The following GREB1L variants were observed in gnomAD, a reference collection of about 807,000 sequenced individuals.
GREB1L encodes the protein GREB1-like protein.
In GREB1L, 17 loss-of-function variants were observed where a neutral mutation model predicts 200.8. The ratio of observed to expected loss-of-function variants is 0.08; its 90% CI spans 0.06 to 0.13. GREB1L has a LOEUF of 0.13. GREB1L is among the 10% of genes least tolerant of loss of function. The pLI is 1.00. For missense variants in GREB1L, 1,657 were observed against 2,367.7 expected (o/e 0.70, Z 6.23); for synonymous variants, 789 against 893.0 (o/e 0.88, Z 2.08).
intron 7 of GREB1L, among the ~76,000 whole-genome samples, chr18:21,428,485 A>C (rs2088357522): frequency 6.6e-6 from 1 of 150,820 alleles, no homozygotes; most frequent in African/African-American, 2.4e-5. Flanking sequence ...GATTTTGTCA[A>C]ATGCTTTACC....
In GREB1L at chr18:21,451,160, T is replaced by C. The variant is rs2034501672; in HGVS notation, c.1849+9T>C. 6.4e-7 allele frequency: 1 copy of C among 1,551,086 alleles called. No homozygotes were observed. Among genetic ancestry groups the C allele is most frequent in the East Asian group, 2.4e-5 (1 of 40,910 alleles). ...CAAAACCACATCATTAGGTGAGTGGTTGTAAGATTTGGCAACACTGGCAGC... is the reference window on the plus strand; with the variant it reads ...CAAAACCACATCATTAGGTGAGTGGCTGTAAGATTTGGCAACACTGGCAGC... On this transcript the variant is annotated intron_variant, in intron 13 of 32. Transcript: ENST00000424526.
chr18:21,505,820 G>T lies in GREB1L; in HGVS notation c.4239G>T (p.Lys1413Asn), dbSNP rs553538494. The T allele has an allele frequency of 1.3e-6, 2 of 1,551,622 alleles. No homozygotes were observed. Among genetic ancestry groups the T allele is most frequent in the Admixed American group, 2.0e-5 (1 of 50,974 alleles). Residue 1413 changes from lysine (K) to asparagine (N), a missense_variant, in exon 25 of 33, where the codon AAG (lysine) becomes AAT (asparagine). Around this residue, in one of 9 missense-constraint regions of GREB1L, gnomAD observed 512 missense variants for 668.3 expected, o/e 0.77. Coordinates refer to ENST00000424526, the MANE Select transcript of GREB1L (RefSeq NM_001142966.3). ...KLAGVKQEVI[K>N]ESKVEEPRKR... The stretch of plus-strand genomic sequence containing the variant: ...CCCCTTTATACACAGAAGTGATAAA[G>T]GAATCCAAAGTTGAAGAGCCCAGGA...
chr18:21,503,617 C>T (rs1489164657), intron 23 of GREB1L, among the ~76,000 whole-genome samples: 1 of 142,236 alleles, frequency 7.0e-6, no homozygotes, highest in African/African-American at 2.6e-5. Flanking sequence ...TGCTCTGTCA[C>T]CCAGGCTGGA....
intron 1 of GREB1L, among the ~76,000 whole-genome samples, chr18:21,361,997 A>T (rs924793125): frequency 7.2e-5 from 11 of 152,132 alleles, no homozygotes; most frequent in African/African-American, 2.7e-4. Context: ...TTTGTTTATA[A>T]AGTCTCCTAG....
intron 7 of GREB1L, among the ~76,000 whole-genome samples, chr18:21,426,973 C>CAAAAAAAAAAAAAAAAAAAAAA (rs56776768): frequency 1.2e-5 from 1 of 83,786 alleles, no homozygotes; most frequent in African/African-American, 3.2e-5. Context: ...AAAAAAAAAA[C>CAAAAAAAAAAAAAAAAAAAAAA]AAAAAAAAAA....
intron 1 of GREB1L, among the ~76,000 whole-genome samples, chr18:21,354,293 A>C (rs2143387107): frequency 6.6e-6 from 1 of 152,264 alleles, no homozygotes; most frequent in South Asian, 2.1e-4. Flanking sequence ...ATTATTATTC[A>C]AAAAATAGTT....
Position 21,496,565 on chromosome 18 carries a change from G to A in GREB1L, c.3258G>A (p.Arg1086=). The change falls in exon 21 of 33, where the codon CGG becomes CGA. Residue 1086 remains arginine (R), a synonymous_variant. Transcript: ENST00000424526. The part of the protein sequence containing the change: ...ACCYVSKEVI[R]GPTVALDLSG... Reference sequence around the variant, plus strand: ...GCTATGTCTCAAAAGAGGTCATCCGGGGACCCACTGTTGCCCTGGACCTCA... The same window carrying A: ...GCTATGTCTCAAAAGAGGTCATCCGAGGACCCACTGTTGCCCTGGACCTCA... 6.4e-7 allele frequency: 1 copy of A among 1,551,708 alleles called. No homozygotes were observed. The highest frequency in any genetic ancestry group is 1.7e-4 in the Middle Eastern group (1 of 5,992).
At chr18:21,513,690 G>C in intron 27 of GREB1L, 131 bp from the exon 28 acceptor site, 2 of 744,106 alleles carry the variant, frequency 2.7e-6, no homozygotes, top group Non-Finnish European at 2.2e-6. Flanking sequence ...CTGAACATTT[G>C]GTTGGCTCCC....
At chr18:21,286,611 T>C (rs2038361527) in intron 1 of GREB1L, among the ~76,000 whole-genome samples, 2 of 152,182 alleles carry the variant, frequency 1.3e-5, no homozygotes, top group Admixed American at 1.3e-4. Context: ...CTGAATATGG[T>C]TCCCAGCACT....
chr18:21,399,164 C>T (rs1464660837), intron 5 of GREB1L, among the ~76,000 whole-genome samples: 2 of 152,184 alleles, frequency 1.3e-5, no homozygotes, highest in African/African-American at 4.8e-5. Context: ...CTTTTCTAAA[C>T]CACTTGGACC....
Position 21,449,665 on chromosome 18 carries a change from G to C in GREB1L, c.1549G>C (p.Val517Leu). The change falls in exon 12 of 33, where the codon GTA becomes CTA. Residue 517 changes from valine to leucine, a missense_variant. By Grantham distance (32) the Val-to-Leu change is conservative (BLOSUM62 1). Around this residue, in one of 9 missense-constraint regions of GREB1L, gnomAD observed 289 missense variants for 345.1 expected, o/e 0.84. Coordinates refer to ENST00000424526, the MANE Select transcript of GREB1L (RefSeq NM_001142966.3). ...CTGGCTTGCTAGATTAATTGCCAGCGTATCTCAAGACTTGGTTCATGTGGT... is the reference window on the plus strand; with the variant it reads ...CTGGCTTGCTAGATTAATTGCCAGCCTATCTCAAGACTTGGTTCATGTGGT... ...LPWLARLIAS[V>L]SQDLVHVVVT... 1 of 1,551,662 alleles carries C rather than the reference G, an allele frequency of 6.4e-7. No individual in the cohort carries two copies.
chr18:21,521,264 G>T (rs574975007), intron 32 of GREB1L, among the ~76,000 whole-genome samples: 1 of 151,766 alleles, frequency 6.6e-6, no homozygotes, highest in Non-Finnish European at 1.5e-5. Flanking sequence ...CCAGCTACTC[G>T]GGAGGCTGAG....
At chr18:21,515,716 A>G (rs1166823378) in intron 29 of GREB1L, 72 bp downstream of exon 29, 15 of 1,090,496 alleles carry the variant, frequency 1.4e-5, no homozygotes, top group Non-Finnish European at 1.9e-5. Context: ...TAGCCTCTGT[A>G]ATGCTTTTAT....
chr18:21,476,179 C>T (rs2035693935), intron 16 of GREB1L, among the ~76,000 whole-genome samples: 1 of 151,984 alleles, frequency 6.6e-6, no homozygotes, highest in African/African-American at 2.4e-5. Context: ...TTTCAGACAT[C>T]ATCAAGCATT....
intron 7 of GREB1L, among the ~76,000 whole-genome samples, chr18:21,418,894 A>G (rs1175138702): frequency 1.3e-5 from 2 of 152,330 alleles, no homozygotes; most frequent in Non-Finnish European, 2.9e-5. Flanking sequence ...TAAAAAAGGA[A>G]GTACAGTCAT....
At position 21,280,246 on chromosome 18, in the gene GREB1L, C is replaced by T. The variant is rs996507671; in HGVS notation, c.-120+37853C>T. 3.3e-5 allele frequency among the ~76,000 whole-genome samples: 5 copies of T among 152,222 alleles called. 1 individual carries two copies. The highest frequency in any genetic ancestry group is 3.3e-4 in the Admixed American group (5 of 15,276). On this transcript the variant is annotated intron_variant, in intron 1 of 32. Transcript: ENST00000424526. Reference sequence around the variant, plus strand: ...GAGTTCTGGGCAACCATAGGTCTTACTGCCTCTTGAATCTTGCCTGTTCCC... The same window carrying T: ...GAGTTCTGGGCAACCATAGGTCTTATTGCCTCTTGAATCTTGCCTGTTCCC...
chr18:21,370,833 T>TATAA (rs1335889703), intron 2 of GREB1L, among the ~76,000 whole-genome samples: 83 of 152,330 alleles, frequency 5.4e-4, no homozygotes, highest in African/African-American at 1.9e-3. Context: ...AATTCCACAC[T>TATAA]TTGAGAGCCT....
At chr18:21,464,524 CAGAG>C (rs1481104339) in intron 15 of GREB1L, among the ~76,000 whole-genome samples, 5 of 119,032 alleles carry the variant, frequency 4.2e-5, no homozygotes, top group African/African-American at 1.7e-4. Context: ...AGCCTGGGGA[CAGAG>C]AGAGACACCA....
At chr18:21,346,526 A>T (rs140884963) in intron 1 of GREB1L, among the ~76,000 whole-genome samples, 11 of 151,990 alleles carry the variant, frequency 7.2e-5, no homozygotes, top group Non-Finnish European at 1.6e-4. Context: ...CTAGACCAAG[A>T]TTACTTGGTC....
Sources: allele counts gnomAD v4.1 joint callset (sites outside exome capture counted in the v4.1 genomes callset), GRCh38; gene constraint gnomAD v4.1.1; regional missense constraint gnomAD v4.1.1; transcripts MANE v1.5; gene names NCBI Gene and HGNC (gene_info 2026-07-23, HGNC 2026-07-21).